Variants in OTOF observed in about 807,000 individuals in gnomAD.
The protein encoded by OTOF is otoferlin, also known as fer-1-like family member 2.
In OTOF, 218 loss-of-function variants were observed where a neutral mutation model predicts 236.8. That is an observed-to-expected ratio of 0.92 (90% CI 0.82 to 1.03). The LOEUF is 1.03. OTOF is among the 50% of genes least tolerant of loss of function. The probability of loss-of-function intolerance (pLI) is 0.00; values close to 1 mark genes in which losing one functional copy is unlikely to be tolerated. For synonymous variants in OTOF, 1,041 were observed against 1,072.5 expected, an observed-to-expected ratio of 0.97 and a Z score of 0.57; for missense variants, 2,590 against 2,694.4, an observed-to-expected ratio of 0.96 and a Z score of 0.86.
chr2:26,525,674 G>A (rs1054377196), intron 3 of OTOF, among the ~76,000 whole-genome samples: 8 of 152,156 alleles, frequency 5.3e-5, no homozygotes, highest in African/African-American at 1.9e-4. Context: ...TGGATGGATG[G>A]ATGAATGGAT....
chr2:26,492,173 G>A (rs1313904550), intron 9 of OTOF, among the ~76,000 whole-genome samples: 2 of 152,202 alleles, frequency 1.3e-5, no homozygotes, highest in Non-Finnish European at 2.9e-5. Flanking sequence ...TAGAATGGTG[G>A]TCTCAACTGA....
At chr2:26,551,868 C>T (rs898192135) in intron 1 of OTOF, among the ~76,000 whole-genome samples, 3 of 151,974 alleles carry the variant, frequency 2.0e-5, no homozygotes, top group African/African-American at 7.3e-5. Flanking sequence ...TTTATTTGAG[C>T]TCTTATCTTT....
Position 26,510,657 on chromosome 2 carries a change from T to C in OTOF, c.509+5761A>G, listed in dbSNP as rs773624413. ...CCACAGCCTGTGGGGAGGAGGCCTCTGTCTCCCCAGAGACGCTGTTGCGTC... is the reference window on the plus strand; with the variant it reads ...CCACAGCCTGTGGGGAGGAGGCCTCCGTCTCCCCAGAGACGCTGTTGCGTC... On this transcript the variant is annotated intron_variant, in intron 5 of 46. Coordinates refer to ENST00000272371, the MANE Select transcript of OTOF (RefSeq NM_194248.3). 47 of 1,217,896 alleles carry C rather than the reference T, an allele frequency of 3.9e-5. 1 individual carries two copies. Among genetic ancestry groups the C allele is most frequent in the Non-Finnish European group, 4.8e-5 (44 of 924,056 alleles). 75.4% of individuals were successfully genotyped at this position (1,217,896 alleles called of 1,614,324 possible).
At position 26,494,946 on chromosome 2, in the gene OTOF, T is replaced by C. The variant is rs749769426; in HGVS notation, c.893A>G (p.Asn298Ser). The change falls in exon 9 of 47, where the codon AAC becomes AGC. Residue 298 changes from asparagine to serine, a missense_variant. Around this residue, in one of 2 missense-constraint regions of OTOF, gnomAD observed 1,379 missense variants for 1,341.6 expected, o/e 1.03. Transcript: ENST00000272371. ...MKESTNCPYY[N>S]EYFVFDFHVS... ...TTTCCCCACAGGGCCACTGACCTCGTTGTAATAGGGGCAGTTAGTGGACTC... is the reference window on the plus strand; with the variant it reads ...TTTCCCCACAGGGCCACTGACCTCGCTGTAATAGGGGCAGTTAGTGGACTC... 2 of 1,614,096 alleles carry C rather than the reference T, an allele frequency of 1.2e-6. No individual in the cohort carries two copies. The highest frequency in any genetic ancestry group is 1.3e-5 in the African/African-American group (1 of 75,022).
Position 26,547,483 on chromosome 2 carries a change from T to C in OTOF, c.80-9709A>G, listed in dbSNP as rs1667360429. 2.0e-5 allele frequency among the ~76,000 whole-genome samples: 3 copies of C among 152,368 alleles called. No homozygotes were observed. The South Asian group carries it at 6.2e-4, about 32-fold the overall frequency. ...TAATAAAAAATGAATTGAGATGTGC[T>C]CTTCCTTCTCTATTTTCTGAAAGAG... On this transcript the variant is annotated intron_variant, in intron 1 of 46. Transcript: ENST00000272371.
chr2:26,498,137 G>C (rs773675379), intron 8 of OTOF, among the ~76,000 whole-genome samples: 2 of 152,184 alleles, frequency 1.3e-5, no homozygotes, highest in Admixed American at 6.5e-5. Flanking sequence ...CATAAGACAG[G>C]CTACTTCTCC....
chr2:26,555,723 C>T (rs1028016745), intron 1 of OTOF, among the ~76,000 whole-genome samples: 6 of 152,184 alleles, frequency 3.9e-5, no homozygotes, highest in East Asian at 1.9e-4. Flanking sequence ...ACCCCTTAGA[C>T]GTGCTCTCCT....
chr2:26,467,332 A>T (rs1243303395), intron 34 of OTOF, 33 bp downstream of exon 34: 1 of 1,612,270 alleles, frequency 6.2e-7, no homozygotes, highest in Non-Finnish European at 8.5e-7. Context: ...CCGCCCCCAC[A>T]CACCCTAGAA....
intron 1 of OTOF, among the ~76,000 whole-genome samples, chr2:26,556,813 G>A (rs1667597126): frequency 6.6e-6 from 1 of 152,208 alleles, no homozygotes; most frequent in South Asian, 2.1e-4. Context: ...GTGCAGCCTG[G>A]ACCGTTCCAG....
At chr2:26,550,043 T>C (rs1390665241) in intron 1 of OTOF, among the ~76,000 whole-genome samples, 3 of 151,122 alleles carry the variant, frequency 2.0e-5, no homozygotes, top group African/African-American at 7.3e-5. Flanking sequence ...ACTCTTTTAC[T>C]CTCCGATAGG....
chr2:26,536,361 C>T (rs1667069543), intron 2 of OTOF, among the ~76,000 whole-genome samples: 1 of 152,118 alleles, frequency 6.6e-6, no homozygotes. Context: ...ACAGAAACTT[C>T]CTTAGCTCTA....
intron 5 of OTOF, among the ~76,000 whole-genome samples, chr2:26,513,567 C>T (rs1266636217): frequency 6.6e-6 from 1 of 152,248 alleles, no homozygotes; most frequent in East Asian, 1.9e-4. Flanking sequence ...CCACGCCGGA[C>T]CCTAACGGTC....
intron 39 of OTOF, 66 bp downstream of exon 39, chr2:26,464,803 G>A: frequency 6.7e-7 from 1 of 1,484,890 alleles, no homozygotes; most frequent in Non-Finnish European, 9.2e-7. Context: ...AGGGAAGTGT[G>A]GGCCCCTCCT....
chr2:26,501,646 C>G (rs1310607482), intron 8 of OTOF, 108 bp downstream of exon 8: 1 of 804,546 alleles, frequency 1.2e-6, no homozygotes, highest in Non-Finnish European at 2.2e-6. Context: ...TTGTTGTTCT[C>G]TATGACCCCT....
intron 3 of OTOF, among the ~76,000 whole-genome samples, chr2:26,525,438 T>C (rs138871520): frequency 6.6e-6 from 1 of 152,218 alleles, no homozygotes; most frequent in Non-Finnish European, 1.5e-5. Context: ...ATACTGGCTA[T>C]CTTTCAGTTG....
At chr2:26,513,436 T>G (rs909344744) in intron 5 of OTOF, among the ~76,000 whole-genome samples, 1 of 152,118 alleles carries the variant, frequency 6.6e-6, no homozygotes, top group African/African-American at 2.4e-5. Context: ...CCGTGGAAGA[T>G]TCCAGCCTGG....
intron 9 of OTOF, among the ~76,000 whole-genome samples, chr2:26,490,073 C>T (rs796093798): frequency 1.4e-4 from 22 of 152,324 alleles, no homozygotes; most frequent in African/African-American, 5.1e-4. Flanking sequence ...GGTTCTAGTC[C>T]CCGCTCTGCA....
At chr2:26,498,569 GA>G (rs1399899397) in intron 8 of OTOF, among the ~76,000 whole-genome samples, 1 of 152,224 alleles carries the variant, frequency 6.6e-6, no homozygotes, top group Non-Finnish European at 1.5e-5. Context: ...GGTGGAAGAT[GA>G]AGAGGCAAAC....
In OTOF at chr2:26,462,177, C is replaced by T. The variant is rs397515605; in HGVS notation, c.5197G>A (p.Glu1733Lys). The T allele has an allele frequency of 5.0e-6, 8 of 1,613,852 alleles. No individual in the cohort carries two copies. In the East Asian group the frequency reaches 6.7e-5, roughly 13 times the overall value. Residue 1733 changes from glutamate to lysine, a missense_variant, in exon 42 of 47, where the codon GAG becomes AAG. By Grantham distance (56) the Glu-to-Lys change is moderately conservative. Coordinates refer to ENST00000272371, the MANE Select transcript of OTOF (RefSeq NM_194248.3). This position sits in a 1 kb window ranked among gnomAD's most constrained non-coding sequence, Gnocchi z 4.7. ...DISPRKPKKY[E>K]LRVIIWNTDE... is the part of the protein sequence containing the mutation. ...GTGTTCCAGATGATGACCCGCAGCT[C>T]GTACCTGGGCCCAGGGAGAGAAGGC... is the stretch of plus-strand genomic sequence containing the variant.
Sources: gnomAD v4.1 joint callset for allele counts (sites outside exome capture counted in the v4.1 genomes callset) on GRCh38, gnomAD v4.1.1 for gene constraint, gnomAD v4.1.1 regional missense constraint, Gnocchi (gnomAD v3.1) non-coding constraint, MANE v1.5 for transcripts, NCBI Gene and HGNC (gene_info 2026-07-23, HGNC 2026-07-21) for gene names.